The following SLC35F3 variants were observed in gnomAD, a reference collection of about 807,000 sequenced individuals.
SLC35F3 encodes the protein putative thiamine transporter SLC35F3.
SLC35F3 carries 25 observed loss-of-function variants against 49.9 expected under a neutral mutation model. The ratio of observed to expected loss-of-function variants is 0.50; its 90% CI spans 0.37 to 0.70. The LOEUF (loss-of-function observed/expected upper bound fraction) is 0.70. SLC35F3 is among the 30% of genes least tolerant of loss of function. The pLI is 0.00. For missense variants in SLC35F3, 525 were observed against 639.8 expected, an observed-to-expected ratio of 0.82 and a Z score of 1.94; for synonymous variants, 275 against 265.4, an observed-to-expected ratio of 1.04 and a Z score of -0.35.
intron 2 of SLC35F3, among the ~76,000 whole-genome samples, chr1:234,039,200 G>A (rs1157669646): frequency 6.6e-6 from 1 of 152,144 alleles, no homozygotes; most frequent in Admixed American, 6.5e-5. Flanking sequence ...CTAAATGAAT[G>A]AGCCCTGATG....
chr1:234,218,429 A>G (rs779256360), intron 2 of SLC35F3, among the ~76,000 whole-genome samples: 17 of 152,204 alleles, frequency 1.1e-4, no homozygotes, highest in Admixed American at 3.3e-4. Context: ...GTTCCGTCCT[A>G]GGAAAGGAGG....
intron 2 of SLC35F3, among the ~76,000 whole-genome samples, chr1:234,140,528 G>A (rs1352289147): frequency 1.3e-5 from 2 of 152,170 alleles, no homozygotes; most frequent in African/African-American, 2.4e-5. Flanking sequence ...CCAGTGGGGG[G>A]TCTTGGAACA....
intron 2 of SLC35F3, among the ~76,000 whole-genome samples, chr1:234,095,940 A>C (rs563513698): frequency 3.9e-5 from 6 of 152,338 alleles, no homozygotes; most frequent in African/African-American, 1.4e-4. Flanking sequence ...GTGCTTTTCT[A>C]CTGTGCAATG....
At position 234,226,059 on chromosome 1, in the gene SLC35F3, G is replaced by A. The variant is rs78402268; in HGVS notation, c.284-5358G>A. Among the ~76,000 whole-genome samples the A allele has an allele frequency of 5.2e-3, 785 of 152,234 alleles. 7 individuals carry two copies. Among genetic ancestry groups the A allele is most frequent in the African/African-American group, 0.018 (736 of 41,532 alleles). On this transcript the variant is annotated intron_variant, in intron 2 of 7. Coordinates refer to ENST00000366618, the MANE Select transcript of SLC35F3 (RefSeq NM_173508.4). Reference sequence around the variant, plus strand: ...TCAAATGGGCACAAGAACTCGTTTCGGCATGATAGAAATGTTCCAAAATGA... The same window carrying A: ...TCAAATGGGCACAAGAACTCGTTTCAGCATGATAGAAATGTTCCAAAATGA...
intron 2 of SLC35F3, among the ~76,000 whole-genome samples, chr1:234,195,862 A>C (rs1002482803): frequency 6.6e-6 from 1 of 152,174 alleles, no homozygotes; most frequent in African/African-American, 2.4e-5. Flanking sequence ...GGTTTTATAA[A>C]GGGAAACCCC....
intron 2 of SLC35F3, among the ~76,000 whole-genome samples, chr1:233,950,480 C>CCTTCCTTCCTTT (rs1662586922): frequency 6.8e-6 from 1 of 146,606 alleles, no homozygotes; most frequent in Non-Finnish European, 1.5e-5. Context: ...TTCCTTCCTT[C>CCTTCCTTCCTTT]CTTCCTTTCT....
At chr1:234,002,444 G>C (rs992234739) in intron 2 of SLC35F3, among the ~76,000 whole-genome samples, 2 of 152,108 alleles carry the variant, frequency 1.3e-5, no homozygotes, top group Admixed American at 1.3e-4. Context: ...GGAAAGTTTT[G>C]AGAAATATTG....
chr1:234,286,473 G>A (rs1218741700), intron 3 of SLC35F3, among the ~76,000 whole-genome samples: 1 of 152,244 alleles, frequency 6.6e-6, no homozygotes, highest in Non-Finnish European at 1.5e-5. Context: ...TGAGTTATGT[G>A]CATGATACAG....
chr1:234,183,881 A>T (rs1447495620), intron 2 of SLC35F3, among the ~76,000 whole-genome samples: 2 of 141,806 alleles, frequency 1.4e-5, no homozygotes, highest in African/African-American at 4.9e-5. Flanking sequence ...TTTGTTTAAC[A>T]ACATTCCTTT....
chr1:233,987,984 T>C (rs987408413), intron 2 of SLC35F3, among the ~76,000 whole-genome samples: 2 of 152,230 alleles, frequency 1.3e-5, no homozygotes, highest in African/African-American at 4.8e-5. Context: ...AGATTTTAAG[T>C]GGTCTTCTGC....
intron 2 of SLC35F3, among the ~76,000 whole-genome samples, chr1:233,926,172 GTTGGCCTGCC>G (rs1293965931): frequency 2.4e-4 from 36 of 152,208 alleles, no homozygotes; most frequent in African/African-American, 7.9e-4. Context: ...GAATTTGAAT[GTTGGCCTGCC>G]TTGCTAGATT....
At chr1:234,235,961 C>A (rs1354980056) in intron 3 of SLC35F3, among the ~76,000 whole-genome samples, 1 of 152,084 alleles carries the variant, frequency 6.6e-6, no homozygotes, top group African/African-American at 2.4e-5. Flanking sequence ...GAGCTTTGTT[C>A]TGAAAATAGT....
chr1:234,117,943 TGTGTGTGTGTGTGTGTGTGTG>T lies in SLC35F3; in HGVS notation c.284-113473_284-113453del, dbSNP rs760870904. On this transcript the variant is annotated intron_variant, in intron 2 of 7. Transcript: ENST00000366618. ...GTGTGTGTGTGTGTGTGTGTGTGTGTGTGTGTGTGTGTGTGTGTGTGTATATATATATAAAACCACAAGAAA... is the reference window on the plus strand; with the variant it reads ...GTGTGTGTGTGTGTGTGTGTGTGTGTTATATATATATAAAACCACAAGAAA... 7.1e-5 allele frequency among the ~76,000 whole-genome samples: 10 copies of T among 140,306 alleles called. 2 individuals are homozygous for T. The highest frequency in any genetic ancestry group is 1.5e-4 in the Non-Finnish European group (10 of 65,528). 92.0% of individuals were successfully genotyped at this position (140,306 alleles called of 152,430 possible).
intron 3 of SLC35F3, among the ~76,000 whole-genome samples, chr1:234,232,519 C>CAAAAAAAAAAAA (rs536692686): frequency 6.1e-4 from 44 of 72,294 alleles, no homozygotes; most frequent in African/African-American, 1.3e-3. Flanking sequence ...CAGGCCTAGT[C>CAAAAAAAAAAAA]AAAAAAAAAA....
rs147060328 is a variant in SLC35F3, at chr1:234,116,164, G to T, written c.284-115253G>T. Among the ~76,000 whole-genome samples, 1,331 of 152,302 alleles carry T rather than the reference G, an allele frequency of 8.7e-3. 10 individuals are homozygous for T. The highest frequency in any genetic ancestry group is 0.014 in the Non-Finnish European group (964 of 68,034). ...CTTTACATAAAGTCAATATAAAGTAGCTACCTGTGGAGACATCTGGCCTCG... is the reference window on the plus strand; with the variant it reads ...CTTTACATAAAGTCAATATAAAGTATCTACCTGTGGAGACATCTGGCCTCG... On this transcript the variant is annotated intron_variant, in intron 2 of 7. Coordinates refer to ENST00000366618, the MANE Select transcript of SLC35F3 (RefSeq NM_173508.4).
chr1:234,147,161 A>G (rs995252880), intron 2 of SLC35F3, among the ~76,000 whole-genome samples: 1 of 150,872 alleles, frequency 6.6e-6, no homozygotes, highest in Non-Finnish European at 1.5e-5. Flanking sequence ...TAAAGGATGG[A>G]CTTACCTTAT....
At chr1:233,986,470 C>A (rs1663267745) in intron 2 of SLC35F3, among the ~76,000 whole-genome samples, 1 of 152,116 alleles carries the variant, frequency 6.6e-6, no homozygotes, top group Non-Finnish European at 1.5e-5. Context: ...GCATCAACAT[C>A]TAGACAGTTT....
chr1:234,181,309 C>G (rs1174143298), intron 2 of SLC35F3, among the ~76,000 whole-genome samples: 1 of 132,122 alleles, frequency 7.6e-6, no homozygotes, highest in Non-Finnish European at 1.5e-5. Flanking sequence ...GCACTCCAGT[C>G]TGGGTGACGG....
chr1:233,996,938 T>C (rs1663470674), intron 2 of SLC35F3, among the ~76,000 whole-genome samples: 1 of 152,172 alleles, frequency 6.6e-6, no homozygotes, highest in Admixed American at 6.5e-5. Context: ...TTACTCTTTG[T>C]AACCACCATT....
Sources: gnomAD v4.1 joint callset for allele counts (sites outside exome capture counted in the v4.1 genomes callset) on GRCh38, gnomAD v4.1.1 for gene constraint, MANE v1.5 for transcripts, NCBI Gene and HGNC (gene_info 2026-07-23, HGNC 2026-07-21) for gene names.